Variants in SI observed in about 807,000 individuals in gnomAD.
The protein encoded by SI is sucrase-isomaltase, also known as sucrase-isomaltase, intestinal.
In SI, 235 loss-of-function variants were observed where a neutral mutation model predicts 253.3. That is an observed-to-expected ratio of 0.93 (90% CI 0.83 to 1.03). The LOEUF (loss-of-function observed/expected upper bound fraction) is 1.03, where lower values mean the gene tolerates loss of function less well. Ranked by LOEUF, SI falls within the 50% of genes least tolerant of loss-of-function variation. SI has a pLI of 0.00. For synonymous variants in SI, 819 were observed against 712.0 expected (o/e 1.15, Z -2.39); for missense variants, 2,442 against 2,211.1 (o/e 1.10, Z -2.09).
chr3:165,005,230 G>A (rs1718446695), intron 37 of SI, among the ~76,000 whole-genome samples: 1 of 151,942 alleles, frequency 6.6e-6, no homozygotes, highest in African/African-American at 2.4e-5. Context: ...ATACAGCAGG[G>A]ATGGTTAATG....
intron 47 of SI, among the ~76,000 whole-genome samples, chr3:164,980,689 T>G (rs1012307913): frequency 6.6e-6 from 1 of 152,024 alleles, no homozygotes; most frequent in African/African-American, 2.4e-5. Flanking sequence ...CTTAAAATTC[T>G]TTGTGAATGT....
intron 25 of SI, among the ~76,000 whole-genome samples, chr3:165,026,933 C>A (rs1253528029): frequency 6.6e-6 from 1 of 151,156 alleles, no homozygotes; most frequent in African/African-American, 2.4e-5. Context: ...AAGAACAAAT[C>A]AAACCAAAAC....
At chr3:165,036,262 GAT>G (rs1467183210) in intron 22 of SI, 125 bp downstream of exon 22, 1 of 687,170 alleles carries the variant, frequency 1.5e-6, no homozygotes, top group African/African-American at 1.8e-5. Flanking sequence ...GCCTGAAACA[GAT>G]AAAAAACATT....
intron 2 of SI, 83 bp from the exon 3 acceptor site, chr3:165,074,750 A>G: frequency 8.7e-7 from 1 of 1,155,202 alleles, no homozygotes; most frequent in East Asian, 2.4e-5. Flanking sequence ...GTACTTTTTG[A>G]AAGAATACAT....
intron 38 of SI, among the ~76,000 whole-genome samples, chr3:164,997,900 A>G (rs1718086782): frequency 6.6e-6 from 1 of 151,730 alleles, no homozygotes; most frequent in South Asian, 2.1e-4. Flanking sequence ...ATGGGCATTT[A>G]GGCTGATTCC....
intron 2 of SI, 45 bp downstream of exon 2, chr3:165,075,850 C>T (rs781042246): frequency 8.7e-7 from 1 of 1,149,692 alleles, no homozygotes; most frequent in Non-Finnish European, 1.3e-6. Context: ...GTAACTTCCT[C>T]CTAACTTCAC....
intron 15 of SI, among the ~76,000 whole-genome samples, chr3:165,048,209 T>C (rs575090021): frequency 6.6e-6 from 1 of 152,142 alleles, no homozygotes; most frequent in East Asian, 1.9e-4. Flanking sequence ...ATCGTAAGTA[T>C]ATTGAGAATA....
the SI span, among the ~76,000 whole-genome samples, chr3:165,084,928 T>C: frequency 6.6e-6 from 1 of 152,224 alleles, no homozygotes; most frequent in East Asian, 1.9e-4. Flanking sequence ...TCCACTCTCC[T>C]TAGAGCACTG....
chr3:164,995,102 A>C (rs1344052318), intron 40 of SI, among the ~76,000 whole-genome samples: 2 of 151,944 alleles, frequency 1.3e-5, no homozygotes, highest in South Asian at 4.1e-4. Context: ...AAGCAAGGCC[A>C]TCACAAAGCT....
chr3:165,074,421 C>T, intron 3 of SI, 110 bp downstream of exon 3: 1 of 633,210 alleles, frequency 1.6e-6, no homozygotes, highest in Non-Finnish European at 2.4e-6. Flanking sequence ...TAAATTCAGC[C>T]TAATTTATGT....
chr3:164,989,433 A>AAGGAAGG (rs1559978202), intron 44 of SI, among the ~76,000 whole-genome samples: 1 of 132,784 alleles, frequency 7.5e-6, no homozygotes, highest in East Asian at 2.1e-4. Flanking sequence ...AGAAAGAAAG[A>AAGGAAGG]AAGGAAAGAA....
intron 34 of SI, 113 bp downstream of exon 34, chr3:165,012,867 A>T: frequency 1.3e-6 from 1 of 783,752 alleles, no homozygotes; most frequent in South Asian, 1.4e-5. Context: ...TCGATAATTT[A>T]AAATGGCCAT....
intron 3 of SI, among the ~76,000 whole-genome samples, chr3:165,070,795 T>C (rs1241218783): frequency 6.6e-6 from 1 of 152,066 alleles, no homozygotes; most frequent in African/African-American, 2.4e-5. Flanking sequence ...ATAACAACCA[T>C]GGAAAAGGTG....
rs1460366404 is a variant in SI at position 165,016,067 on chromosome 3, G to A, written c.3773C>T (p.Thr1258Ile). 6.2e-7 allele frequency: 1 copy of A among 1,612,766 alleles called. No individual in the cohort carries two copies. The highest frequency in any genetic ancestry group is 8.5e-7 in the Non-Finnish European group (1 of 1,179,104). ...CTGCCTTTCCATGTAGTCAATGTCTGTGTACTGAACATCCTGAAATATCCA... is the reference window on the plus strand; with the variant it reads ...CTGCCTTTCCATGTAGTCAATGTCTATGTACTGAACATCCTGAAATATCCA... The part of the protein sequence containing the change: ...AANIPYDVQY[T>I]DIDYMERQLD... Residue 1258 changes from threonine to isoleucine, a missense_variant, in exon 32 of 48, where the codon ACA (threonine) becomes ATA (isoleucine). Thr to Ile is a moderately conservative substitution (Grantham distance 89). Transcript: ENST00000264382.
chr3:164,981,127 A>T (rs1347334638), intron 47 of SI, among the ~76,000 whole-genome samples: 2 of 152,076 alleles, frequency 1.3e-5, no homozygotes, highest in Non-Finnish European at 2.9e-5. Context: ...GCACTAAGAT[A>T]TTAACTTTTA....
chr3:165,008,089 CAT>C, intron 35 of SI, 91 bp from the exon 36 acceptor site: 1 of 677,672 alleles, frequency 1.5e-6, no homozygotes, highest in South Asian at 1.5e-5. Context: ...AGTAGGTTAA[CAT>C]ATTTGAACAA....
intron 3 of SI, 85 bp downstream of exon 3, chr3:165,074,446 A>T (rs1714809107): frequency 2.4e-6 from 2 of 837,008 alleles, no homozygotes; most frequent in Non-Finnish European, 3.5e-6. Flanking sequence ...ATCTTTATTA[A>T]ATAAGATCGA....
the SI span, among the ~76,000 whole-genome samples, chr3:165,089,825 G>A: frequency 4.0e-5 from 6 of 151,000 alleles, no homozygotes; most frequent in East Asian, 4.0e-4. Flanking sequence ...TCCGTTCTCC[G>A]GCATGTAAGC....
At chr3:165,061,045 G>T (rs9857256) in intron 9 of SI, among the ~76,000 whole-genome samples, 1 of 150,822 alleles carries the variant, frequency 6.6e-6, no homozygotes, top group African/African-American at 2.4e-5. Flanking sequence ...AAGCTCTCAA[G>T]AATTAGTATG....
Sources: gnomAD v4.1 joint callset for allele counts (sites outside exome capture counted in the v4.1 genomes callset) on GRCh38, gnomAD v4.1.1 for gene constraint, MANE v1.5 for transcripts, NCBI Gene and HGNC (gene_info 2026-07-23, HGNC 2026-07-21) for gene names.